The following GRB7 variants were observed in gnomAD, a reference collection of about 807,000 sequenced individuals.
GRB7 encodes growth factor receptor-bound protein 7.
GRB7 carries 47 observed loss-of-function variants against 64.1 expected under a neutral mutation model. The observed-to-expected ratio is 0.73, with a 90% CI of 0.58 to 0.94. The LOEUF is 0.94. GRB7 is among the 40% of genes least tolerant of loss of function. The pLI is 0.00. For missense variants in GRB7, 634 were observed against 718.4 expected (o/e 0.88, Z 1.34); for synonymous variants, 277 against 279.9 (o/e 0.99, Z 0.10).
intron 3 of GRB7, 61 bp from the exon 4 acceptor site, chr17:39,742,837 C>T (rs552339504): frequency 2.2e-4 from 333 of 1,536,482 alleles, no homozygotes; most frequent in Non-Finnish European, 2.8e-4. Flanking sequence ...CTAGCAGGTG[C>T]GGAAAGGGAA....
chr17:39,745,909 A>G lies in GRB7; in HGVS notation c.1271-4A>G. The G allele has an allele frequency of 1.2e-6, 2 of 1,613,916 alleles. No homozygotes were observed. The highest frequency in any genetic ancestry group is 2.2e-5 in the East Asian group (1 of 44,872). The stretch of plus-strand genomic sequence containing the variant: ...GTGACCGCCCATGTCCTTCCCCACC[A>G]CAGCCATCCACCGCACCCAACTCTG... On this transcript the variant is annotated splice_region_variant and splice_polypyrimidine_tract_variant and intron_variant, in intron 12 of 14. Transcript: ENST00000309156.
chr17:39,743,233 G>A lies in GRB7; in HGVS notation c.517G>A (p.Val173Met), dbSNP rs200254714. 1.7e-5 allele frequency: 28 copies of A among 1,614,176 alleles called. No homozygotes were observed. Among genetic ancestry groups the A allele is most frequent in the South Asian group, 6.6e-5 (6 of 91,084 alleles). Residue 173 changes from valine (V) to methionine (M), a missense_variant, in exon 5 of 15, where the codon GTG (valine) becomes ATG (methionine). By Grantham distance (21) the Val-to-Met change is conservative (BLOSUM62 1). Coordinates refer to ENST00000309156, the MANE Select transcript of GRB7 (RefSeq NM_005310.5). The stretch of plus-strand genomic sequence containing the variant: ...GGTGGAAGTGCAGGCTGCCTGGCCC[G>A]TGGGCGGAGATAGCCGCTTCGTCTT... ...SVVEVQAAWPVGGDSRFVFRK... is the reference protein window; with the variant it reads ...SVVEVQAAWPMGGDSRFVFRK...
chr17:39,746,178 A>C lies in GRB7; in HGVS notation c.1428A>C (p.Lys476Asn). 6.2e-7 allele frequency: 1 copy of C among 1,613,992 alleles called. No homozygotes were observed. Among genetic ancestry groups the C allele is most frequent in the South Asian group, 1.1e-5 (1 of 91,086 alleles). The change falls in exon 14 of 15, where the codon AAA (lysine) becomes AAC (asparagine). Residue 476 changes from lysine (K) to asparagine (N), a missense_variant. Lys to Asn is a moderately conservative substitution (Grantham distance 94). This residue lies in a region of GRB7 where 467 missense variants were observed against 576.6 expected (regional missense o/e 0.81). Coordinates refer to ENST00000309156, the MANE Select transcript of GRB7 (RefSeq NM_005310.5). ...TCCTCTCTTTGTGCCACCTGCAGAA[A>C]GTGAAGCATTATCTCATCCTGCCGG... is the stretch of plus-strand genomic sequence containing the variant. ...GFVLSLCHLQ[K>N]VKHYLILPSE...
At chr17:39,745,129 C>T in intron 9 of GRB7, 114 bp from the exon 10 acceptor site, 3 of 1,113,898 alleles carry the variant, frequency 2.7e-6, no homozygotes, top group East Asian at 2.5e-5. Flanking sequence ...AGGAAGTGCC[C>T]ATCGAAGGCA....
At chr17:39,740,999 A>G (rs1327394849) in intron 1 of GRB7, among the ~76,000 whole-genome samples, 2 of 152,106 alleles carry the variant, frequency 1.3e-5, no homozygotes, top group Admixed American at 6.5e-5. Context: ...AGCCCGGCCA[A>G]AGGGGTCTGC....
intron 1 of GRB7, chr17:39,740,135 C>T (rs1439697910): frequency 1.0e-6 from 1 of 985,554 alleles, no homozygotes; most frequent in Non-Finnish European, 1.2e-6. Context: ...CCCCTGCAGC[C>T]TGGAATGAAG....
At chr17:39,743,134 A>G in intron 4 of GRB7, 46 bp from the exon 5 acceptor site, 1 of 1,607,306 alleles carries the variant, frequency 6.2e-7, no homozygotes, top group Non-Finnish European at 8.5e-7. Context: ...CATCCAGGAG[A>G]TCTGGTTGAT....
chr17:39,747,020 C>T lies in GRB7; in HGVS notation c.*123C>T. The T allele has an allele frequency of 1.0e-6, 1 of 994,192 alleles. No homozygotes were observed. The highest frequency in any genetic ancestry group is 1.6e-5 in the South Asian group (1 of 61,664). The allele number at this position is 994,192 out of a possible 1,614,324, so 61.6% of individuals were successfully genotyped here. On this transcript the variant is annotated 3_prime_UTR_variant, in exon 15 of 15. Transcript: ENST00000309156. ...GATGAGGAGCGGGAGGGTTCCGCCA[C>T]TCCAGTTTTCTCCTCTGCTTCTTTG...
intron 3 of GRB7, 23 bp from the exon 4 acceptor site, chr17:39,742,875 C>A: frequency 6.4e-7 from 1 of 1,561,592 alleles, no homozygotes; most frequent in South Asian, 1.2e-5. Context: ...CCCCTCAAGT[C>A]GTGTGCAATT....
rs1271956112 is a variant in GRB7 at position 39,742,729 on chromosome 17, T to A, written c.306+13T>A. 2 of 1,544,188 alleles carry A rather than the reference T, an allele frequency of 1.3e-6. No homozygotes were observed. The highest frequency in any genetic ancestry group is 1.7e-6 in the Non-Finnish European group (2 of 1,145,982). ...CAGCCGCCCCCATGTGAGTTGTCCC[T>A]CAGAAGGGAAGGGAGGGATGCACGG... On this transcript the variant is annotated intron_variant, in intron 3 of 14. Transcript: ENST00000309156.
chr17:39,738,262 G>T (rs1256910949), intron 1 of GRB7, 129 bp downstream of exon 1: 1 of 152,264 alleles, frequency 6.6e-6, no homozygotes, highest in African/African-American at 2.4e-5. Context: ...GAGCCACCTG[G>T]CTCTCCCCCT....
rs1597910177 is a variant in GRB7 at position 39,747,057 on chromosome 17, T to C, written c.*160T>C. 2.6e-6 allele frequency: 2 copies of C among 759,336 alleles called. No homozygotes were observed. The highest frequency in any genetic ancestry group is 2.8e-5 in the East Asian group (1 of 35,574). 47.0% of individuals were successfully genotyped at this position (759,336 alleles called of 1,614,324 possible). A position where few individuals can be genotyped will look rare whatever the true frequency, so the allele number is the denominator to read the frequency against. ...CCTCTGCTTCTTTGCCTCCCTCAGA[T>C]AGAAAACAGCCCCCACTCCAGTCCA... On this transcript the variant is annotated 3_prime_UTR_variant, in exon 15 of 15. Coordinates refer to ENST00000309156, the MANE Select transcript of GRB7 (RefSeq NM_005310.5).
chr17:39,743,028 T>C lies in GRB7; in HGVS notation c.437T>C (p.Val146Ala), dbSNP rs746247012. The change falls in exon 4 of 15, where the codon GTG becomes GCG. Residue 146 changes from valine to alanine, a missense_variant. Physicochemically the swap from Val to Ala is moderately conservative, Grantham distance 64. Coordinates refer to ENST00000309156, the MANE Select transcript of GRB7 (RefSeq NM_005310.5). ...HALSDETWGL[V>A]ECHPHLALER... is the part of the protein sequence containing the mutation. ...TTGAGCGACGAGACCTGGGGGCTGG[T>C]GGAGTGCCACCCCCACCTAGCACTG... The C allele has an allele frequency of 6.2e-7, 1 of 1,609,456 alleles. No individual in the cohort carries two copies. Among genetic ancestry groups the C allele is most frequent in the Non-Finnish European group, 8.5e-7 (1 of 1,177,166 alleles).
intron 6 of GRB7, 129 bp from the exon 7 acceptor site, chr17:39,743,941 T>C (rs1333843899): frequency 8.4e-7 from 1 of 1,194,402 alleles, no homozygotes. Context: ...TGCAGTGAGC[T>C]GTGATCGTGC....
intron 14 of GRB7, 59 bp from the exon 15 acceptor site, chr17:39,746,692 G>A: frequency 6.3e-7 from 1 of 1,580,978 alleles, no homozygotes; most frequent in Non-Finnish European, 8.6e-7. Context: ...TGGCCCAGGA[G>A]GGAGCTTCCC....
intron 6 of GRB7, 137 bp from the exon 7 acceptor site, chr17:39,743,933 C>A: frequency 9.3e-7 from 1 of 1,080,070 alleles, no homozygotes; most frequent in Non-Finnish European, 1.3e-6. Flanking sequence ...GTCGAGGTTG[C>A]AGTGAGCTGT....
rs368607087 is a variant in GRB7, at chr17:39,743,484, C to G, written c.663+14C>G. On this transcript the variant is annotated intron_variant, in intron 6 of 14. Transcript: ENST00000309156. ...GACCTCATCCAGGTGGGGGGACCCC[C>G]CATTTCACTGCAGATTCACGACTCC... 1.1e-4 allele frequency: 171 copies of G among 1,606,302 alleles called. No homozygotes were observed. Among genetic ancestry groups the G allele is most frequent in the Non-Finnish European group, 1.4e-4 (164 of 1,173,094 alleles).
chr17:39,745,107 GC>G, intron 9 of GRB7, 123 bp downstream of exon 9: 1 of 1,099,210 alleles, frequency 9.1e-7, no homozygotes, highest in Admixed American at 2.1e-5. Context: ...CCCAGTCCAA[GC>G]CTGAAGTTAT....
chr17:39,738,996 C>A, intron 1 of GRB7: 2 of 1,367,286 alleles, frequency 1.5e-6, no homozygotes, highest in Non-Finnish European at 2.0e-6. Flanking sequence ...AGGGGCTCTG[C>A]AGTGCGGTGG....
Sources: allele counts gnomAD v4.1 joint callset (sites outside exome capture counted in the v4.1 genomes callset), GRCh38; gene constraint gnomAD v4.1.1; regional missense constraint gnomAD v4.1.1; transcripts MANE v1.5; gene names NCBI Gene and HGNC (gene_info 2026-07-23, HGNC 2026-07-21).